The following GPC3 variants were observed in gnomAD, a reference collection of about 807,000 sequenced individuals.
GPC3 encodes glypican-3.
GPC3 carries 3 observed loss-of-function variants against 34.4 expected under a neutral mutation model. The ratio of observed to expected loss-of-function variants is 0.09; its 90% CI spans 0.04 to 0.23. The LOEUF is 0.23. Ranked by LOEUF, GPC3 falls within the 10% of genes least tolerant of loss-of-function variation. The pLI, the probability that GPC3 is intolerant of heterozygous loss-of-function variation, is 1.00. For synonymous variants in GPC3, 177 were observed against 174.0 expected (o/e 1.02, Z -0.13); for missense variants, 351 against 445.6 (o/e 0.79, Z 1.91).
chrX:133,922,640 C>T (rs957752448), intron 2 of GPC3, among the ~76,000 whole-genome samples: 2 of 110,516 alleles, frequency 1.8e-5, no homozygotes, highest in African/African-American at 3.3e-5. Flanking sequence ...CTGAAGACAG[C>T]TCTTTGATTG....
At chrX:133,721,196 A>T (rs747924743) in intron 3 of GPC3, among the ~76,000 whole-genome samples, 13 of 110,526 alleles carry the variant, frequency 1.2e-4, no homozygotes, top group Non-Finnish European at 2.5e-4. Context: ...TAATAGAAAA[A>T]CATTAGAGAA....
At chrX:133,914,867 C>T (rs1289212220) in intron 2 of GPC3, among the ~76,000 whole-genome samples, 3 of 95,139 alleles carry the variant, frequency 3.2e-5, no homozygotes, top group Non-Finnish European at 6.2e-5. Context: ...AAAATTAACT[C>T]TTAGCCCACC....
At chrX:133,810,876 A>AG (rs1214291160) in intron 2 of GPC3, among the ~76,000 whole-genome samples, 4 of 107,229 alleles carry the variant, frequency 3.7e-5, no homozygotes, top group Non-Finnish European at 7.8e-5. Flanking sequence ...AAAAAAAAAA[A>AG]AAAAGAAAGA....
At chrX:133,899,955 A>G (rs1421264056) in intron 2 of GPC3, among the ~76,000 whole-genome samples, 1 of 110,690 alleles carries the variant, frequency 9.0e-6, no homozygotes, top group African/African-American at 3.3e-5. Flanking sequence ...GGCGCCCGCC[A>G]CCACGCCTGG....
chrX:133,744,080 T>A (rs2071588488), intron 3 of GPC3, among the ~76,000 whole-genome samples: 1 of 111,755 alleles, frequency 8.9e-6, no homozygotes, highest in Admixed American at 9.5e-5. Flanking sequence ...ACCTAGGCAA[T>A]ACCATTCAGG....
At chrX:133,863,625 C>A (rs1189955986) in intron 2 of GPC3, among the ~76,000 whole-genome samples, 2 of 103,160 alleles carry the variant, frequency 1.9e-5, no homozygotes, top group African/African-American at 3.9e-5. Flanking sequence ...ACACACACAC[C>A]CCTAGTTAAC....
intron 2 of GPC3, among the ~76,000 whole-genome samples, chrX:133,802,163 G>C (rs2075613118): frequency 9.0e-6 from 1 of 111,558 alleles, no homozygotes; most frequent in Non-Finnish European, 1.9e-5. Flanking sequence ...CTGGATACAA[G>C]CATCATTTCA....
intron 2 of GPC3, among the ~76,000 whole-genome samples, chrX:133,767,434 A>G (rs2071859745): frequency 9.0e-6 from 1 of 111,703 alleles, no homozygotes; most frequent in Admixed American, 9.5e-5. Context: ...AGAGCTCTCA[A>G]CTCTAACCAT....
intron 7 of GPC3, among the ~76,000 whole-genome samples, chrX:133,540,915 GGT>G (rs369378252): frequency 0.097 from 8,895 of 91,353 alleles, 356 homozygotes; most frequent in Middle Eastern, 0.13. Context: ...ACATTGTTGT[GGT>G]GTGTGTGTGT....
Position 133,661,776 on chromosome X carries a change from T to C in GPC3, c.1367A>G (p.Glu456Gly), listed in dbSNP as rs2070729173. 4 of 1,199,375 alleles carry C rather than the reference T, an allele frequency of 3.3e-6. No individual in the cohort carries two copies. Among genetic ancestry groups the C allele is most frequent in the Non-Finnish European group, 4.5e-6 (4 of 885,351 alleles). Residue 456 changes from glutamate (E) to glycine (G), a missense_variant, in exon 6 of 8, where the codon GAG (glutamate) becomes GGG (glycine). By Grantham distance (98) the Glu-to-Gly change is moderately conservative (BLOSUM62 -2). Coordinates refer to ENST00000370818, the MANE Select transcript of GPC3 (RefSeq NM_004484.4). Reference protein sequence around the residue: ...NLHELKMKGPEPVVSQIIDKL... With the variant: ...NLHELKMKGPGPVVSQIIDKL... ...GTCAATAATTTGACTGACCACTGGC[T>C]CAGGGCCCTTCATTTTCAGCTCATG...
intron 2 of GPC3, among the ~76,000 whole-genome samples, chrX:133,766,063 C>T (rs1302402611): frequency 3.6e-5 from 4 of 111,555 alleles, no homozygotes; most frequent in African/African-American, 1.3e-4. Flanking sequence ...CAATCCCAAG[C>T]CCCAAAGGCT....
rs139614894 is a variant in GPC3 at position 133,577,606 on chromosome X, C to T, written c.1573+18834G>A. Among the ~76,000 whole-genome samples, 593 of 111,261 alleles carry T rather than the reference C, an allele frequency of 5.3e-3. 5 individuals carry two copies. The highest frequency in any genetic ancestry group is 0.018 in the African/African-American group (553 of 30,547). On this transcript the variant is annotated intron_variant, in intron 7 of 7. Coordinates refer to ENST00000370818, the MANE Select transcript of GPC3 (RefSeq NM_004484.4). ...AACTAGCCACCCCTCAAACTATCTC[C>T]CTTTTAATTTTAAGAATGCTGGATG...
chrX:133,626,350 A>G (rs923926268), intron 6 of GPC3, among the ~76,000 whole-genome samples: 1 of 111,752 alleles, frequency 8.9e-6, no homozygotes, highest in Non-Finnish European at 1.9e-5. Context: ...CTGCATAACA[A>G]AAGAAACTAT....
At chrX:133,940,231 T>C (rs939557236) in intron 2 of GPC3, among the ~76,000 whole-genome samples, 1 of 111,881 alleles carries the variant, frequency 8.9e-6, no homozygotes, top group African/African-American at 3.2e-5. Flanking sequence ...GGGGTCATTC[T>C]TGGGGTGTTT....
intron 7 of GPC3, among the ~76,000 whole-genome samples, chrX:133,562,753 T>C (rs1375839726): frequency 8.9e-6 from 1 of 111,921 alleles, no homozygotes; most frequent in East Asian, 2.8e-4. Context: ...TCTGAGTAGA[T>C]ACTAGTCTGT....
intron 7 of GPC3, among the ~76,000 whole-genome samples, chrX:133,541,563 C>T (rs928377932): frequency 4.4e-4 from 50 of 112,375 alleles, no homozygotes; most frequent in Admixed American, 2.8e-4. Flanking sequence ...AAAGGGTAGA[C>T]TCAACATCTG....
intron 6 of GPC3, among the ~76,000 whole-genome samples, chrX:133,658,569 C>T (rs1244025946): frequency 9.0e-6 from 1 of 110,802 alleles, no homozygotes; most frequent in Non-Finnish European, 1.9e-5. Flanking sequence ...GAATCATGGC[C>T]AAAATATAAA....
chrX:133,780,192 T>C (rs752402039), intron 2 of GPC3, among the ~76,000 whole-genome samples: 6 of 111,580 alleles, frequency 5.4e-5, no homozygotes, highest in Non-Finnish European at 1.1e-4. Flanking sequence ...GAGAGAAAGC[T>C]ATTTGGAAGC....
intron 2 of GPC3, among the ~76,000 whole-genome samples, chrX:133,903,191 G>A (rs1275293243): frequency 9.1e-6 from 1 of 110,163 alleles, no homozygotes; most frequent in Non-Finnish European, 1.9e-5. Flanking sequence ...CTTTATCATA[G>A]TGTCCTCTAC....
Sources: allele counts gnomAD v4.1 joint callset (sites outside exome capture counted in the v4.1 genomes callset), GRCh38; gene constraint gnomAD v4.1.1; transcripts MANE v1.5; gene names NCBI Gene and HGNC (gene_info 2026-07-23, HGNC 2026-07-21).